FSTL4: variants seen among roughly 807,000 people sequenced by gnomAD.
FSTL4 encodes the protein follistatin-related protein 4.
In FSTL4, 28 loss-of-function variants were observed where a neutral mutation model predicts 78.2. That is an observed-to-expected ratio of 0.36 (90% CI 0.27 to 0.49). The LOEUF (loss-of-function observed/expected upper bound fraction) is 0.49. FSTL4 is among the 20% of genes least tolerant of loss of function. The pLI, the probability that FSTL4 is intolerant of heterozygous loss-of-function variation, is 0.98. For synonymous variants in FSTL4, 422 were observed against 440.5 expected, an observed-to-expected ratio of 0.96 and a Z score of 0.53; for missense variants, 922 against 1,084.9, an observed-to-expected ratio of 0.85 and a Z score of 2.11.
At chr5:133,357,066 G>A (rs532848108) in intron 4 of FSTL4, among the ~76,000 whole-genome samples, 12 of 152,338 alleles carry the variant, frequency 7.9e-5, no homozygotes, top group African/African-American at 2.2e-4. Context: ...GAGCTGGGGC[G>A]GACTGCAAAG....
At chr5:133,749,820 T>C in the FSTL4 span, among the ~76,000 whole-genome samples, 1 of 152,322 alleles carries the variant, frequency 6.6e-6, no homozygotes, top group African/African-American at 2.4e-5. Context: ...CATCGCATCA[T>C]CACTGAATCA....
intron 4 of FSTL4, among the ~76,000 whole-genome samples, chr5:133,319,339 C>G (rs1330163078): frequency 6.6e-6 from 1 of 152,250 alleles, no homozygotes; most frequent in Non-Finnish European, 1.5e-5. Context: ...AGGCCACTCC[C>G]ATCCTTTTAC....
chr5:133,705,869 G>GCGCACA, the FSTL4 span, among the ~76,000 whole-genome samples: 3 of 147,806 alleles, frequency 2.0e-5, no homozygotes, highest in African/African-American at 5.0e-5. Context: ...ACACACACAC[G>GCGCACA]CACACACACA....
intron 3 of FSTL4, among the ~76,000 whole-genome samples, chr5:133,533,272 C>T (rs767340255): frequency 6.6e-6 from 1 of 152,116 alleles, no homozygotes; most frequent in Non-Finnish European, 1.5e-5. Context: ...GAGACAGGGC[C>T]TCCCTCTGCT....
chr5:133,374,185 C>A (rs982156771), intron 4 of FSTL4, among the ~76,000 whole-genome samples: 3 of 152,238 alleles, frequency 2.0e-5, no homozygotes, highest in Admixed American at 2.0e-4. Flanking sequence ...CTCAGACTTA[C>A]TGACCTGGGC....
intron 6 of FSTL4, chr5:133,275,623 C>T (rs1752866286): frequency 6.6e-6 from 1 of 151,954 alleles, no homozygotes; most frequent in Admixed American, 6.6e-5. Context: ...CAAGCATGGG[C>T]CCCTTCTGAG....
intron 3 of FSTL4, among the ~76,000 whole-genome samples, chr5:133,493,684 C>T (rs1222054435): frequency 6.6e-6 from 1 of 152,186 alleles, no homozygotes; most frequent in Non-Finnish European, 1.5e-5. Context: ...CCTCAGGGTG[C>T]CATGACATTG....
chr5:133,461,594 T>G (rs1757593711), intron 3 of FSTL4, among the ~76,000 whole-genome samples: 1 of 152,148 alleles, frequency 6.6e-6, no homozygotes, highest in Non-Finnish European at 1.5e-5. Context: ...AAAGAAATTC[T>G]ACGGAAGTTA....
chr5:133,692,092 G>A, the FSTL4 span, among the ~76,000 whole-genome samples: 1 of 152,236 alleles, frequency 6.6e-6, no homozygotes, highest in Non-Finnish European at 1.5e-5. Flanking sequence ...AGGTGCAGCA[G>A]GAGTGATGGG....
At chr5:133,269,769 A>T (rs945461798) in intron 6 of FSTL4, among the ~76,000 whole-genome samples, 1 of 152,232 alleles carries the variant, frequency 6.6e-6, no homozygotes, top group East Asian at 1.9e-4. Context: ...TACCAGTCCC[A>T]TCAGTGTGTC....
At chr5:133,276,717 C>A (rs138019348) in intron 6 of FSTL4, among the ~76,000 whole-genome samples, 3 of 152,244 alleles carry the variant, frequency 2.0e-5, no homozygotes, top group East Asian at 1.9e-4. Context: ...CAATTTGATG[C>A]GAAGAGATAG....
At chr5:133,829,509 C>T in the FSTL4 span, among the ~76,000 whole-genome samples, 1 of 152,216 alleles carries the variant, frequency 6.6e-6, no homozygotes, top group South Asian at 2.1e-4. Context: ...AGCACCTGCT[C>T]TATATTGAGC....
the FSTL4 span, among the ~76,000 whole-genome samples, chr5:133,626,374 C>T: frequency 8.3e-6 from 1 of 120,860 alleles, no homozygotes; most frequent in African/African-American, 3.6e-5. Context: ...ATAATTTGTG[C>T]ATGTGTGTGT....
At chr5:133,834,462 C>G in the FSTL4 span, among the ~76,000 whole-genome samples, 1 of 151,604 alleles carries the variant, frequency 6.6e-6, no homozygotes, top group Non-Finnish European at 1.5e-5. Flanking sequence ...GAAATACCAT[C>G]CTGCCATTAA....
chr5:133,295,594 A>G (rs186858274), intron 6 of FSTL4, among the ~76,000 whole-genome samples: 9 of 152,214 alleles, frequency 5.9e-5, no homozygotes, highest in East Asian at 3.9e-4. Flanking sequence ...ACCCAATCCA[A>G]TGAGACTTTT....
the FSTL4 span, among the ~76,000 whole-genome samples, chr5:133,796,651 G>A: frequency 3.6e-4 from 54 of 151,986 alleles, no homozygotes; most frequent in Admixed American, 4.6e-4. Flanking sequence ...TTTCTCTGCC[G>A]CGTCATTCCG....
intron 2 of FSTL4, among the ~76,000 whole-genome samples, chr5:133,593,807 T>C (rs1395442457): frequency 6.6e-6 from 1 of 152,222 alleles, no homozygotes; most frequent in African/African-American, 2.4e-5. Flanking sequence ...CGACATTATA[T>C]ACAGACTAGA....
At chr5:133,473,424 C>T (rs965683226) in intron 3 of FSTL4, among the ~76,000 whole-genome samples, 2 of 152,052 alleles carry the variant, frequency 1.3e-5, no homozygotes, top group African/African-American at 4.8e-5. Flanking sequence ...AGATCAGCAC[C>T]GACCAGTCAT....
the FSTL4 span, among the ~76,000 whole-genome samples, chr5:133,770,007 T>C: frequency 1.3e-5 from 2 of 152,170 alleles, no homozygotes; most frequent in East Asian, 1.9e-4. Flanking sequence ...TCCAGTTCCA[T>C]GTATGTTGCT....
Sources: allele counts gnomAD v4.1 joint callset (sites outside exome capture counted in the v4.1 genomes callset), GRCh38; gene constraint gnomAD v4.1.1; transcripts MANE v1.5; gene names NCBI Gene and HGNC (gene_info 2026-07-23, HGNC 2026-07-21).